MIER1: variants seen among roughly 807,000 people sequenced by gnomAD.
The protein encoded by MIER1 is mesoderm induction early response protein 1.
MIER1 carries 40 observed loss-of-function variants against 75.7 expected under a neutral mutation model. That is an observed-to-expected ratio of 0.53 (90% CI 0.41 to 0.69). MIER1 has a LOEUF of 0.69. Among genes scored for constraint, MIER1 ranks in the 30% least tolerant of loss-of-function variants. The probability of loss-of-function intolerance (pLI) is 0.00; values close to 1 mark genes in which losing one functional copy is unlikely to be tolerated. For missense variants in MIER1, 574 were observed against 680.2 expected (o/e 0.84, Z 1.74); for synonymous variants, 213 against 223.4 (o/e 0.95, Z 0.42).
chr1:66,976,584 G>T lies in MIER1; in HGVS notation c.1102-11G>T. 6.4e-7 allele frequency: 1 copy of T among 1,552,946 alleles called. No homozygotes were observed. The highest frequency in any genetic ancestry group is 1.7e-4 in the Middle Eastern group (1 of 5,798). ...AGGAGATTCTTAAAAGCAAGCATTT[G>T]TTTCTTACAGGTCCGAACAAGGTCA... On this transcript the variant is annotated splice_polypyrimidine_tract_variant and intron_variant, in intron 11 of 13. Transcript: ENST00000401041.
rs1408594073 is a variant in MIER1 at position 66,971,794 on chromosome 1, T to G, written c.1006+58T>G. The stretch of plus-strand genomic sequence containing the variant: ...GGCAGAAATTTTAAAATTAAGCTTT[T>G]CAGTTTACCTAGGTATAGCCTAAAC... On this transcript the variant is annotated intron_variant, in intron 10 of 13. Transcript: ENST00000401041. 4 of 889,926 alleles carry G rather than the reference T, an allele frequency of 4.5e-6. No individual in the cohort carries two copies. The East Asian group carries it at 1.0e-4, about 23-fold the overall frequency. The allele number at this position is 889,926 out of a possible 1,614,324, so 55.1% of individuals were successfully genotyped here. A position where few individuals can be genotyped will look rare whatever the true frequency, so the allele number is the denominator to read the frequency against.
chr1:66,946,574 A>G, intron 4 of MIER1: 1 of 1,087,114 alleles, frequency 9.2e-7, no homozygotes, highest in Non-Finnish European at 1.1e-6. Context: ...ATGGACTATA[A>G]AAGGATTCTA....
At chr1:66,976,831 T>A in intron 12 of MIER1, 109 bp downstream of exon 12, 1 of 948,618 alleles carries the variant, frequency 1.1e-6, no homozygotes, top group South Asian at 2.2e-5. Context: ...ATACTTGATC[T>A]TAACCAGAAG....
chr1:66,930,548 G>A, intron 2 of MIER1: 1 of 802,862 alleles, frequency 1.2e-6, no homozygotes, highest in Non-Finnish European at 1.9e-6. Context: ...TTCTCTGGGC[G>A]GGAGCTTCGC....
intron 11 of MIER1, among the ~76,000 whole-genome samples, chr1:66,974,500 T>A (rs1664310329): frequency 6.6e-6 from 1 of 152,010 alleles, no homozygotes; most frequent in African/African-American, 2.4e-5. Flanking sequence ...CAAACCATGC[T>A]GAATTACCTA....
intron 5 of MIER1, 34 bp downstream of exon 5, chr1:66,958,254 C>A: frequency 7.1e-7 from 1 of 1,407,590 alleles, no homozygotes; most frequent in Non-Finnish European, 9.5e-7. Flanking sequence ...AGATTGTAGT[C>A]TTTATTCTTG....
intron 8 of MIER1, among the ~76,000 whole-genome samples, chr1:66,964,091 GAC>G (rs1426290304): frequency 7.0e-6 from 1 of 143,298 alleles, no homozygotes; most frequent in Non-Finnish European, 1.5e-5. Context: ...TTTTTTTTGA[GAC>G]AGAGTCTTGC....
chr1:66,930,359 G>T, intron 2 of MIER1: 1 of 1,606,440 alleles, frequency 6.2e-7, no homozygotes, highest in Admixed American at 1.7e-5. Context: ...AGCTGCGGCC[G>T]CCGCGGAGAT....
At chr1:66,937,527 G>C (rs1208822625) in intron 2 of MIER1, among the ~76,000 whole-genome samples, 1 of 152,168 alleles carries the variant, frequency 6.6e-6, no homozygotes, top group African/African-American at 2.4e-5. Context: ...GGAGGCTGCA[G>C]TGAGCCAAGA....
At chr1:66,980,143 C>A (rs751112909) in intron 12 of MIER1, among the ~76,000 whole-genome samples, 1 of 152,344 alleles carries the variant, frequency 6.6e-6, no homozygotes, top group East Asian at 1.9e-4. Flanking sequence ...CATCATGTGT[C>A]TTCTGTTAGC....
At position 66,985,264 on chromosome 1, in the gene MIER1, G is replaced by T; in HGVS notation, c.*364G>T. On this transcript the variant is annotated 3_prime_UTR_variant, in exon 14 of 14. Transcript: ENST00000401041. ...ATTAATCATAAAATTTCACTACAAG[G>T]TAATTTTTGCTTAGTTTGATGGATG... The T allele has an allele frequency of 1.0e-6, 1 of 978,484 alleles. No homozygotes were observed. Among genetic ancestry groups the T allele is most frequent in the Non-Finnish European group, 1.2e-6 (1 of 823,412 alleles). The allele number at this position is 978,484 out of a possible 1,614,324, so 60.6% of individuals were successfully genotyped here.
intron 3 of MIER1, chr1:66,940,315 C>T (rs1369077405): frequency 2.2e-5 from 6 of 274,948 alleles, no homozygotes; most frequent in South Asian, 2.3e-4. Context: ...ATGTATTTCT[C>T]ACAGTTTTGT....
At chr1:66,954,450 T>C (rs775216141) in intron 4 of MIER1, among the ~76,000 whole-genome samples, 1 of 152,232 alleles carries the variant, frequency 6.6e-6, no homozygotes, top group Non-Finnish European at 1.5e-5. Context: ...ACTTTGTTTT[T>C]AGTTACTGTA....
At chr1:66,927,280 T>C (rs1184515896) in intron 2 of MIER1, among the ~76,000 whole-genome samples, 3 of 152,176 alleles carry the variant, frequency 2.0e-5, no homozygotes, top group South Asian at 4.1e-4. Context: ...GAATAGGAGC[T>C]GAAGAGGCAT....
chr1:66,945,873 CT>C (rs1460663327), intron 3 of MIER1, among the ~76,000 whole-genome samples: 2 of 152,064 alleles, frequency 1.3e-5, no homozygotes, highest in Non-Finnish European at 2.9e-5. Flanking sequence ...AGAATTGAGA[CT>C]TTTTTCCACA....
intron 6 of MIER1, among the ~76,000 whole-genome samples, 176 bp downstream of exon 6, chr1:66,959,159 A>G (rs1333456246): frequency 6.6e-6 from 1 of 152,094 alleles, no homozygotes; most frequent in East Asian, 1.9e-4. Flanking sequence ...TTGTTAGTGA[A>G]TATACTATGG....
At chr1:66,966,270 G>A (rs1662380025) in intron 8 of MIER1, among the ~76,000 whole-genome samples, 1 of 152,114 alleles carries the variant, frequency 6.6e-6, no homozygotes, top group African/African-American at 2.4e-5. Context: ...CCACCTATGA[G>A]TGAGAACATG....
chr1:66,940,783 A>T (rs1442802896), intron 3 of MIER1, among the ~76,000 whole-genome samples: 1 of 152,220 alleles, frequency 6.6e-6, no homozygotes, highest in Non-Finnish European at 1.5e-5. Flanking sequence ...GTAGTTCTAC[A>T]TGGCAGTAAT....
chr1:66,986,738 G>A lies in MIER1; in HGVS notation c.*1838G>A. On this transcript the variant is annotated 3_prime_UTR_variant, in exon 14 of 14. Coordinates refer to ENST00000401041, the MANE Select transcript of MIER1 (RefSeq NM_001077700.3). ...TCAAAGTTTTGGGTGGAAGTGTTGA[G>A]AAGTATGAGTTTTTTGTTGTTTTTG... 2 of 334,414 alleles carry A rather than the reference G, an allele frequency of 6.0e-6. No homozygotes were observed. The highest frequency in any genetic ancestry group is 1.1e-5 in the Non-Finnish European group (2 of 185,514). The allele number at this position is 334,414 out of a possible 1,614,324, so 20.7% of individuals were successfully genotyped here.
Sources: gnomAD v4.1 joint callset for allele counts (sites outside exome capture counted in the v4.1 genomes callset) on GRCh38, gnomAD v4.1.1 for gene constraint, MANE v1.5 for transcripts, NCBI Gene and HGNC (gene_info 2026-07-23, HGNC 2026-07-21) for gene names.